Variants in KAZN observed in about 807,000 individuals in gnomAD.
KAZN encodes kazrin.
A neutral mutation model predicts 87.4 loss-of-function variants in KAZN; 40 were observed. That is an observed-to-expected ratio of 0.46 (90% CI 0.36 to 0.60). The LOEUF is 0.60. Ranked by LOEUF, KAZN falls within the 20% of genes least tolerant of loss-of-function variation. The pLI, the probability that KAZN is intolerant of heterozygous loss-of-function variation, is 0.00. For synonymous variants in KAZN, 466 were observed against 458.3 expected (o/e 1.02, Z -0.22); for missense variants, 898 against 1,073.9 (o/e 0.84, Z 2.29).
chr1:14,752,882 C>T (rs537672956), intron 1 of KAZN, among the ~76,000 whole-genome samples: 2 of 152,334 alleles, frequency 1.3e-5, no homozygotes, highest in East Asian at 1.9e-4. Flanking sequence ...CCATTGGAGA[C>T]ACACTCTGAT....
Position 14,996,208 on chromosome 1 carries a change from C to T in KAZN, c.418+35333C>T, listed in dbSNP as rs1304248209. Among the ~76,000 whole-genome samples, 1 of 152,156 alleles carries T rather than the reference C, an allele frequency of 6.6e-6. No homozygotes were observed. On this transcript the variant is annotated intron_variant, in intron 2 of 14. Coordinates refer to ENST00000376030, the MANE Select transcript of KAZN (RefSeq NM_201628.3). The surrounding 1 kb of genome is among the most constrained non-coding windows in gnomAD (Gnocchi z 5.9). ...TGCCCCGCCCACTCCACCCCCAGTG[C>T]CTGGCATCTTGAACAGGGGTCACTG...
intron 2 of KAZN, among the ~76,000 whole-genome samples, chr1:14,985,599 G>A (rs372511540): frequency 2.5e-4 from 38 of 152,110 alleles, no homozygotes; most frequent in African/African-American, 7.2e-4. Context: ...ATGGACAGAC[G>A]GACATTATGG....
Position 14,466,042 on chromosome 1 carries a change from G to A in KAZN, c.250-132941G>A, listed in dbSNP as rs561302337. Among the ~76,000 whole-genome samples, 17 of 152,210 alleles carry A rather than the reference G, an allele frequency of 1.1e-4. 2 individuals carry two copies. The highest frequency in any genetic ancestry group is 1.9e-4 in the African/African-American group (8 of 41,518). On this transcript the variant is annotated intron_variant, in intron 2 of 16. Coordinates refer to the KAZN transcript ENST00000636203. Reference sequence around the variant, plus strand: ...ATTTGCAACTTAGGCACACACAAGCGGCTATACCATACAGTTTAGGTAAAT... The same window carrying A: ...ATTTGCAACTTAGGCACACACAAGCAGCTATACCATACAGTTTAGGTAAAT...
chr1:13,938,237 C>T (rs187667959), intron 1 of KAZN, among the ~76,000 whole-genome samples: 24 of 152,252 alleles, frequency 1.6e-4, no homozygotes, highest in African/African-American at 4.3e-4. Context: ...TTGTAGAGAT[C>T]GTTCAGCTCC....
chr1:13,989,330 C>T (rs532355870), intron 1 of KAZN, among the ~76,000 whole-genome samples: 1 of 152,188 alleles, frequency 6.6e-6, no homozygotes, highest in East Asian at 1.9e-4. Context: ...ATAAAAAGCA[C>T]ATTTCTGGGT....
chr1:14,189,196 TA>T (rs976512484), intron 2 of KAZN, among the ~76,000 whole-genome samples: 20 of 152,290 alleles, frequency 1.3e-4, no homozygotes, highest in African/African-American at 4.8e-4. Context: ...CTGGCTATTT[TA>T]AGTACTCACT....
chr1:14,789,760 C>CAAAAAAAAAAAAAAA (rs3032757), intron 1 of KAZN, among the ~76,000 whole-genome samples: 3 of 46,252 alleles, frequency 6.5e-5, no homozygotes, highest in African/African-American at 2.5e-4. Flanking sequence ...TCCTCATTAC[C>CAAAAAAAAAAAAAAA]AAAAAAAAAA....
intron 2 of KAZN, among the ~76,000 whole-genome samples, chr1:14,377,225 C>A (rs1660985558): frequency 6.6e-6 from 1 of 152,130 alleles, no homozygotes; most frequent in Non-Finnish European, 1.5e-5. Flanking sequence ...ATCAACCCAC[C>A]CTTAAGGTCT....
At chr1:14,008,796 G>A (rs1240515476) in intron 1 of KAZN, among the ~76,000 whole-genome samples, 2 of 152,212 alleles carry the variant, frequency 1.3e-5, no homozygotes, top group East Asian at 1.9e-4. Context: ...TTTTTAAATT[G>A]TGTTAAAATG....
chr1:14,836,634 G>C (rs988925422), intron 1 of KAZN, among the ~76,000 whole-genome samples: 2 of 152,058 alleles, frequency 1.3e-5, no homozygotes. Flanking sequence ...GAGAAGTCAG[G>C]TCAGGTGAAA....
chr1:14,721,241 C>T (rs1643086532), intron 1 of KAZN, among the ~76,000 whole-genome samples: 1 of 152,186 alleles, frequency 6.6e-6, no homozygotes, highest in Admixed American at 6.5e-5. Flanking sequence ...GTGGTTACCT[C>T]CATGCTATTC....
At chr1:14,803,476 C>T (rs1033817506) in intron 1 of KAZN, among the ~76,000 whole-genome samples, 1 of 152,204 alleles carries the variant, frequency 6.6e-6, no homozygotes, top group Non-Finnish European at 1.5e-5. Flanking sequence ...TCCTTCTGAC[C>T]CTGATGGCAG....
chr1:14,310,690 A>G (rs1435760944), intron 2 of KAZN, among the ~76,000 whole-genome samples: 1 of 152,200 alleles, frequency 6.6e-6, no homozygotes, highest in Non-Finnish European at 1.5e-5. Flanking sequence ...TTCTATGCAG[A>G]GCGTTTCGTC....
intron 2 of KAZN, among the ~76,000 whole-genome samples, chr1:14,334,924 GAC>G (rs1411828977): frequency 7.0e-6 from 1 of 143,444 alleles, no homozygotes; most frequent in East Asian, 1.9e-4. Context: ...TAGAGAGGAA[GAC>G]ACAGAAATAG....
chr1:14,396,215 C>T (rs1662890610), intron 2 of KAZN, among the ~76,000 whole-genome samples: 1 of 147,386 alleles, frequency 6.8e-6, no homozygotes, highest in Admixed American at 6.8e-5. Flanking sequence ...CAAGAAAAAA[C>T]TTAGGTCTTA....
intron 1 of KAZN, among the ~76,000 whole-genome samples, chr1:14,892,952 C>G (rs1407954067): frequency 6.6e-6 from 1 of 152,206 alleles, no homozygotes; most frequent in Admixed American, 6.5e-5. Flanking sequence ...TTACAAGCAC[C>G]TACTACGTAG....
At chr1:14,663,636 CAAAAAACAAACAACA>C (rs1374466798) in intron 1 of KAZN, among the ~76,000 whole-genome samples, 1 of 151,976 alleles carries the variant, frequency 6.6e-6, no homozygotes, top group African/African-American at 2.4e-5. Flanking sequence ...CAAAACAAAA[CAAAAAACAAACAACA>C]AAAAAACAAA....
Position 15,077,771 on chromosome 1 carries a change from G to A in KAZN, c.1222+12018G>A, listed in dbSNP as rs1195092864. Among the ~76,000 whole-genome samples the A allele has an allele frequency of 6.6e-6, 1 of 152,190 alleles. No individual in the cohort carries two copies. Among genetic ancestry groups the A allele is most frequent in the Non-Finnish European group, 1.5e-5 (1 of 68,044 alleles). On this transcript the variant is annotated intron_variant, in intron 8 of 14. Transcript: ENST00000376030. This position sits in a 1 kb window ranked among gnomAD's most constrained non-coding sequence, Gnocchi z 4.8. ...GTTATCAGCATGAAAAGCAGCTGCA[G>A]GCCTCCCAGGGATGCGGACAGGGGC...
intron 2 of KAZN, among the ~76,000 whole-genome samples, chr1:14,222,427 G>A (rs1338042936): frequency 6.6e-6 from 1 of 152,180 alleles, no homozygotes; most frequent in East Asian, 1.9e-4. Context: ...GCTGGTTAAA[G>A]CTTCGCTTTT....
Sources: gnomAD v4.1 joint callset for allele counts (sites outside exome capture counted in the v4.1 genomes callset) on GRCh38, gnomAD v4.1.1 for gene constraint, Gnocchi (gnomAD v3.1) non-coding constraint, MANE v1.5 for transcripts, NCBI Gene and HGNC (gene_info 2026-07-23, HGNC 2026-07-21) for gene names.